The following CHD7 variants were observed in gnomAD, a reference collection of about 807,000 sequenced individuals.
CHD7 encodes the protein chromodomain helicase DNA binding protein 7.
In CHD7, 24 loss-of-function variants were observed where a neutral mutation model predicts 307.3. The observed-to-expected ratio is 0.08, with a 90% CI of 0.06 to 0.11. CHD7 has a LOEUF of 0.11. Ranked by LOEUF, CHD7 falls within the 10% of genes least tolerant of loss-of-function variation. CHD7 has a pLI of 1.00. For missense variants in CHD7, 3,106 were observed against 3,727.1 expected, an observed-to-expected ratio of 0.83 and a Z score of 4.34; for synonymous variants, 1,363 against 1,349.9, an observed-to-expected ratio of 1.01 and a Z score of -0.21.
intron 31 of CHD7, among the ~76,000 whole-genome samples, chr8:60,853,875 G>A (rs1284722432): frequency 1.3e-5 from 2 of 152,166 alleles, no homozygotes; most frequent in Non-Finnish European, 2.9e-5. Flanking sequence ...GAAACAACTG[G>A]TGCTTGTTAT....
chr8:60,808,570 C>T (rs1812644463), intron 7 of CHD7, among the ~76,000 whole-genome samples: 1 of 152,108 alleles, frequency 6.6e-6, no homozygotes, highest in Non-Finnish European at 1.5e-5. Context: ...TTTCCCTGTC[C>T]TCTGATCATG....
At position 60,848,518 on chromosome 8, in the gene CHD7, C is replaced by T. The variant is rs756430456; in HGVS notation, c.5214C>T (p.Val1738=). 8 of 1,612,568 alleles carry T rather than the reference C, an allele frequency of 5.0e-6. No homozygotes were observed. The African/African-American group carries it at 5.3e-5, about 11-fold the overall frequency. ...CCCCCTCTGTCTTCCTCTCCAGGGT[C>T]CTGCTGCGTGTCCGCATGCTGTACT... ...KKHLKHHCNK[V]LLRVRMLYYL... The change falls in exon 24 of 38, where the codon GTC becomes GTT. Residue 1738 remains valine, a synonymous_variant. Coordinates refer to ENST00000423902, the MANE Select transcript of CHD7 (RefSeq NM_017780.4).
intron 13 of CHD7, among the ~76,000 whole-genome samples, chr8:60,827,557 T>G (rs1462582585): frequency 6.6e-6 from 1 of 152,108 alleles, no homozygotes; most frequent in East Asian, 1.9e-4. Flanking sequence ...TAGAAAAAAA[T>G]TGATTGATTG....
At chr8:60,703,650 T>G (rs1012113706) in intron 1 of CHD7, among the ~76,000 whole-genome samples, 3 of 152,226 alleles carry the variant, frequency 2.0e-5, no homozygotes, top group Non-Finnish European at 4.4e-5. Context: ...ATCCATGATC[T>G]TGTCCCACCC....
chr8:60,741,716 G>T lies in CHD7; in HGVS notation c.284G>T (p.Gly95Val). ...AACAGAATGATGAGCAACACCCCTG[G>T]GAACGGACTCGCGTCTCCGCACTCG... ...QPNRMMSNTP[G>V]NGLASPHSQY... Residue 95 changes from glycine (G) to valine (V), a missense_variant, in exon 2 of 38, where the codon GGG becomes GTG. Coordinates refer to ENST00000423902, the MANE Select transcript of CHD7 (RefSeq NM_017780.4). 1 of 1,613,966 alleles carries T rather than the reference G, an allele frequency of 6.2e-7. No homozygotes were observed. Among genetic ancestry groups the T allele is most frequent in the South Asian group, 1.1e-5 (1 of 91,070 alleles).
At chr8:60,748,386 G>A (rs775672243) in intron 2 of CHD7, among the ~76,000 whole-genome samples, 2 of 152,170 alleles carry the variant, frequency 1.3e-5, no homozygotes, top group Admixed American at 6.5e-5. Flanking sequence ...GTAGGTCTGG[G>A]GCTTAGTGGA....
intron 1 of CHD7, among the ~76,000 whole-genome samples, chr8:60,689,644 C>G (rs896050920): frequency 6.6e-6 from 1 of 152,214 alleles, no homozygotes; most frequent in Non-Finnish European, 1.5e-5. Flanking sequence ...CCTGCACTTT[C>G]TAGCACCAGC....
chr8:60,860,397 A>G (rs1350582279), intron 34 of CHD7, among the ~76,000 whole-genome samples: 2 of 152,162 alleles, frequency 1.3e-5, no homozygotes, highest in African/African-American at 2.4e-5. Flanking sequence ...TACTAGTTCT[A>G]CAGTGTGAAG....
In CHD7 at chr8:60,836,370, A is replaced by G. The variant is rs142245418; in HGVS notation, c.3989+87A>G. 16 of 1,076,534 alleles carry G rather than the reference A, an allele frequency of 1.5e-5. No homozygotes were observed. The East Asian group carries it at 2.1e-4, about 14-fold the overall frequency. The allele number at this position is 1,076,534 out of a possible 1,614,324, so 66.7% of individuals were successfully genotyped here. On this transcript the variant is annotated intron_variant, in intron 16 of 37. Coordinates refer to ENST00000423902, the MANE Select transcript of CHD7 (RefSeq NM_017780.4). Reference sequence around the variant, plus strand: ...AGCAGTCCACCTAAAAGTGGAATCTATGATAAAGGGGCTAGAATGGGGGAA... The same window carrying G: ...AGCAGTCCACCTAAAAGTGGAATCTGTGATAAAGGGGCTAGAATGGGGGAA...
intron 1 of CHD7, among the ~76,000 whole-genome samples, chr8:60,715,659 C>T (rs887100745): frequency 3.3e-5 from 5 of 152,072 alleles, no homozygotes; most frequent in African/African-American, 1.2e-4. Context: ...AGGAGCTTCC[C>T]TTTGGGGCCG....
At chr8:60,783,310 A>G (rs1811348951) in intron 3 of CHD7, among the ~76,000 whole-genome samples, 2 of 152,170 alleles carry the variant, frequency 1.3e-5, no homozygotes, top group South Asian at 2.1e-4. Flanking sequence ...AATTTGTTAA[A>G]ATTTTCCCAA....
At chr8:60,819,108 C>T (rs1296487881) in intron 8 of CHD7, among the ~76,000 whole-genome samples, 12 of 152,184 alleles carry the variant, frequency 7.9e-5, no homozygotes, top group Non-Finnish European at 1.6e-4. Context: ...CACCTGCCAT[C>T]ATGCCCAGCT....
At chr8:60,799,606 T>C (rs1812198957) in intron 4 of CHD7, among the ~76,000 whole-genome samples, 1 of 152,232 alleles carries the variant, frequency 6.6e-6, no homozygotes, top group Non-Finnish European at 1.5e-5. Flanking sequence ...TGGGGCACCT[T>C]GGTTAGTATT....
At chr8:60,811,778 A>T (rs1167357164) in intron 7 of CHD7, among the ~76,000 whole-genome samples, 2 of 152,126 alleles carry the variant, frequency 1.3e-5, no homozygotes, top group Non-Finnish European at 1.5e-5. Flanking sequence ...TTCATGTTGT[A>T]TGAATTTATG....
chr8:60,741,920 A>C lies in CHD7; in HGVS notation c.488A>C (p.Gln163Pro). ...PDQIRAPYQQ[Q>P]QPQPQPPQPA... ...CAGATACGAGCCCCCTACCAGCAGCAGCAGCCACAGCCGCAGCCACCGCAG... is the reference window on the plus strand; with the variant it reads ...CAGATACGAGCCCCCTACCAGCAGCCGCAGCCACAGCCGCAGCCACCGCAG... Residue 163 changes from glutamine to proline, a missense_variant, in exon 2 of 38, where the codon CAG (glutamine) becomes CCG (proline). Transcript: ENST00000423902. The C allele has an allele frequency of 1.9e-6, 3 of 1,612,912 alleles. No homozygotes were observed. The highest frequency in any genetic ancestry group is 2.5e-6 in the Non-Finnish European group (3 of 1,179,540).
intron 3 of CHD7, among the ~76,000 whole-genome samples, chr8:60,791,496 C>T (rs13280978): frequency 0.53 from 80,220 of 152,218 alleles, 25,539 homozygotes; most frequent in East Asian, 0.79. Flanking sequence ...CTCATCCCCC[C>T]GACCTAGAAC....
At chr8:60,854,279 T>C (rs1586448658) in intron 31 of CHD7, 84 bp from the exon 32 acceptor site, 1 of 1,215,376 alleles carries the variant, frequency 8.2e-7, no homozygotes, top group Non-Finnish European at 1.2e-6. Context: ...CTGATTAGTA[T>C]TCACATTTTT....
rs7005077 is a variant in CHD7, at chr8:60,846,417, G to A, written c.5210+1008G>A. On this transcript the variant is annotated intron_variant, in intron 23 of 37. Coordinates refer to ENST00000423902, the MANE Select transcript of CHD7 (RefSeq NM_017780.4). ...GAAACTAAATTTATTTCATTGCTTG[G>A]GGTTCTGTTAACAGTTCCTATTAAA... 2.6e-3 allele frequency among the ~76,000 whole-genome samples: 390 copies of A among 152,258 alleles called. 2 individuals are homozygous for A. Among genetic ancestry groups the A allele is most frequent in the African/African-American group, 8.8e-3 (366 of 41,530 alleles).
chr8:60,742,487 G>T lies in CHD7; in HGVS notation c.1055G>T (p.Gly352Val). The change falls in exon 2 of 38, where the codon GGA (glycine) becomes GTA (valine). Residue 352 changes from glycine to valine, a missense_variant. This residue lies in a region of CHD7 where 998 missense variants were observed against 1,004.5 expected (regional missense o/e 0.99). Coordinates refer to ENST00000423902, the MANE Select transcript of CHD7 (RefSeq NM_017780.4). The stretch of plus-strand genomic sequence containing the variant: ...GTACCAAGATACCCCAATGCTGTAG[G>T]ATTCCCATCAAACAGTGGTCAAGGA... ...QSVPRYPNAV[G>V]FPSNSGQGLM... is the part of the protein sequence containing the mutation. 1.9e-6 allele frequency: 3 copies of T among 1,613,946 alleles called. No individual in the cohort carries two copies. The highest frequency in any genetic ancestry group is 2.5e-6 in the Non-Finnish European group (3 of 1,179,876).
Sources: gnomAD v4.1 joint callset for allele counts (sites outside exome capture counted in the v4.1 genomes callset) on GRCh38, gnomAD v4.1.1 for gene constraint, gnomAD v4.1.1 regional missense constraint, MANE v1.5 for transcripts, NCBI Gene and HGNC (gene_info 2026-07-23, HGNC 2026-07-21) for gene names.